Variants in CALB1 observed in about 807,000 individuals in gnomAD.
CALB1 encodes the protein calbindin 1.
A neutral mutation model predicts 46.7 loss-of-function variants in CALB1; 16 were observed. The observed-to-expected ratio is 0.34, with a 90% confidence interval of 0.23 to 0.52. CALB1 has a LOEUF of 0.52. Ranked by LOEUF, CALB1 falls within the 20% of genes least tolerant of loss-of-function variation. CALB1 has a pLI of 0.95. For missense variants in CALB1, 224 were observed against 300.3 expected (o/e 0.75, Z 1.88); for synonymous variants, 90 against 112.8 (o/e 0.80, Z 1.28).
intron 10 of CALB1, 73 bp downstream of exon 10, chr8:90,060,556 T>A: frequency 1.7e-6 from 2 of 1,143,646 alleles, no homozygotes; most frequent in South Asian, 2.6e-5. Context: ...ATTTCCAAAA[T>A]GGATGTGCTG....
At chr8:90,071,493 A>G (rs1344221574) in intron 3 of CALB1, among the ~76,000 whole-genome samples, 1 of 152,130 alleles carries the variant, frequency 6.6e-6, no homozygotes, top group East Asian at 1.9e-4. Flanking sequence ...ACACCCCTCC[A>G]GTCTTGTTGA....
chr8:90,077,740 G>A (rs1489527037), intron 3 of CALB1, among the ~76,000 whole-genome samples: 1 of 152,056 alleles, frequency 6.6e-6, no homozygotes, highest in African/African-American at 2.4e-5. Flanking sequence ...AAAAGTCACT[G>A]TGAAAGGATA....
chr8:90,063,672 A>C, intron 6 of CALB1: 1 of 500,832 alleles, frequency 2.0e-6, no homozygotes. Flanking sequence ...TAGAATAGTC[A>C]AACAGAGAAA....
At chr8:90,081,389 T>C (rs1161839092) in intron 2 of CALB1, 1 of 547,864 alleles carries the variant, frequency 1.8e-6, no homozygotes, top group Admixed American at 6.4e-5. Flanking sequence ...TCTTTCTCAC[T>C]GTTAGGTTGC....
At chr8:90,068,919 T>G (rs1586180256) in intron 5 of CALB1, 79 bp downstream of exon 5, 2 of 1,038,456 alleles carry the variant, frequency 1.9e-6, no homozygotes, top group Non-Finnish European at 1.4e-6. Context: ...TTGTGGGAGG[T>G]TTTTTAAAAA....
At chr8:90,065,764 T>C (rs1186628865) in intron 6 of CALB1, 134 bp downstream of exon 6, 2 of 611,518 alleles carry the variant, frequency 3.3e-6, no homozygotes, top group Non-Finnish European at 5.9e-6. Flanking sequence ...ACTTTTCAAA[T>C]GAAATGATAC....
rs116297375 is a variant in CALB1 at position 90,060,833 on chromosome 8, G to T, written c.601-133C>A. 1,045 of 753,112 alleles carry T rather than the reference G, an allele frequency of 1.4e-3. 11 individuals are homozygous for T. The African/African-American group carries it at 0.016, about 12-fold the overall frequency. The allele number at this position is 753,112 out of a possible 1,614,324, so 46.7% of individuals were successfully genotyped here. A position where few individuals can be genotyped will look rare whatever the true frequency, so the allele number is the denominator to read the frequency against. On this transcript the variant is annotated intron_variant, in intron 9 of 10. Transcript: ENST00000265431. Reference sequence around the variant, plus strand: ...CTTGGCAGATAATCTGTTATGTCAGGCCACCCAAGTTTTTAGCTGCTCCAA... The same window carrying T: ...CTTGGCAGATAATCTGTTATGTCAGTCCACCCAAGTTTTTAGCTGCTCCAA...
chr8:90,060,872 G>T, intron 9 of CALB1, 172 bp from the exon 10 acceptor site: 1 of 620,400 alleles, frequency 1.6e-6, no homozygotes, highest in Non-Finnish European at 2.9e-6. Flanking sequence ...TGTAAAATAT[G>T]CAAGGTATTA....
Position 90,058,890 on chromosome 8 carries a change from C to G in CALB1, c.*1283G>C, listed in dbSNP as rs1814245919. ...ACTCCTAGGCAGTAACTGTAAATTTCACATGGACACATCTCTCATAGCTCC... is the reference window on the plus strand; with the variant it reads ...ACTCCTAGGCAGTAACTGTAAATTTGACATGGACACATCTCTCATAGCTCC... On this transcript the variant is annotated 3_prime_UTR_variant, in exon 11 of 11. Coordinates refer to ENST00000265431, the MANE Select transcript of CALB1 (RefSeq NM_004929.4). 6.6e-6 allele frequency: 1 copy of G among 152,180 alleles called. No individual in the cohort carries two copies. The highest frequency in any genetic ancestry group is 2.4e-5 in the African/African-American group (1 of 41,452). 9.4% of individuals were successfully genotyped at this position (152,180 alleles called of 1,614,324 possible). A position where few individuals can be genotyped will look rare whatever the true frequency, so the allele number is the denominator to read the frequency against.
Position 90,082,814 on chromosome 8 carries a change from C to T in CALB1, c.-117G>A. On this transcript the variant is annotated 5_prime_UTR_variant, in exon 1 of 11. Transcript: ENST00000265431. Reference sequence around the variant, plus strand: ...TCAGGGCTGCGGAGGGAGACCTGGGCGCGGGCGCTGCCGGGCGCTGTCCTC... The same window carrying T: ...TCAGGGCTGCGGAGGGAGACCTGGGTGCGGGCGCTGCCGGGCGCTGTCCTC... 1.0e-6 allele frequency: 1 copy of T among 986,198 alleles called. No homozygotes were observed. Among genetic ancestry groups the T allele is most frequent in the Non-Finnish European group, 1.6e-6 (1 of 617,374 alleles). The allele number at this position is 986,198 out of a possible 1,614,324, so 61.1% of individuals were successfully genotyped here.
At chr8:90,081,584 A>T in intron 2 of CALB1, 1 of 412,186 alleles carries the variant, frequency 2.4e-6, no homozygotes, top group Non-Finnish European at 3.3e-6. Flanking sequence ...AAGAGAATTT[A>T]AAAATTACCT....
chr8:90,077,048 C>T (rs955932356), intron 3 of CALB1, among the ~76,000 whole-genome samples: 1 of 151,870 alleles, frequency 6.6e-6, no homozygotes, highest in Non-Finnish European at 1.5e-5. Flanking sequence ...AGAGCCAATC[C>T]GTAATTTCAC....
intron 10 of CALB1, among the ~76,000 whole-genome samples, 166 bp downstream of exon 10, chr8:90,060,463 C>T (rs1240701977): frequency 1.3e-5 from 2 of 152,202 alleles, no homozygotes; most frequent in Admixed American, 6.5e-5. Context: ...ATCTATTTAT[C>T]ACAGTTACCC....
Position 90,065,994 on chromosome 8 carries a change from CTTAGA to C in CALB1, c.373-24_373-20del. The C allele has an allele frequency of 6.7e-7, 1 of 1,494,926 alleles. No homozygotes were observed. Among genetic ancestry groups the C allele is most frequent in the Non-Finnish European group, 9.3e-7 (1 of 1,073,120 alleles). The allele number at this position is 1,494,926 out of a possible 1,614,324, so 92.6% of individuals were successfully genotyped here. Reference sequence around the variant, plus strand: ...GAAAGTTCTGTTAAAACAAAGAACACTTAGATTAATTTCATTAATAATATATCGTC... The same window carrying C: ...GAAAGTTCTGTTAAAACAAAGAACACTTAATTTCATTAATAATATATCGTC... On this transcript the variant is annotated intron_variant, in intron 5 of 10. Transcript: ENST00000265431.
intron 3 of CALB1, among the ~76,000 whole-genome samples, chr8:90,074,501 CA>C (rs1814586828): frequency 6.6e-6 from 1 of 152,030 alleles, no homozygotes; most frequent in Non-Finnish European, 1.5e-5. Flanking sequence ...AATCCTCAAT[CA>C]AAAAAGTATC....
chr8:90,062,994 C>G (rs1281457652), intron 9 of CALB1, 106 bp downstream of exon 9: 1 of 704,800 alleles, frequency 1.4e-6, no homozygotes, highest in East Asian at 2.7e-5. Flanking sequence ...TCAAGATTGT[C>G]TCTATAGTTT....
intron 3 of CALB1, among the ~76,000 whole-genome samples, chr8:90,076,148 T>C (rs1040113215): frequency 3.9e-5 from 6 of 152,070 alleles, no homozygotes; most frequent in Non-Finnish European, 2.9e-5. Context: ...TGATCAAAAG[T>C]TCTGCTGAAA....
chr8:90,067,210 G>A lies in CALB1; in HGVS notation c.373-1235C>T, dbSNP rs547530201. 6.6e-5 allele frequency among the ~76,000 whole-genome samples: 10 copies of A among 152,188 alleles called. No individual in the cohort carries two copies. The South Asian group carries it at 1.2e-3, about 19-fold the overall frequency. On this transcript the variant is annotated intron_variant, in intron 5 of 10. Coordinates refer to ENST00000265431, the MANE Select transcript of CALB1 (RefSeq NM_004929.4). ...CCTTGGGACGCAGAGATTCAAAGTCGTGTCTGAGAGCAAGTGATGTTTTAC... is the reference window on the plus strand; with the variant it reads ...CCTTGGGACGCAGAGATTCAAAGTCATGTCTGAGAGCAAGTGATGTTTTAC...
chr8:90,076,701 G>A (rs1283716130), intron 3 of CALB1, among the ~76,000 whole-genome samples: 1 of 151,638 alleles, frequency 6.6e-6, no homozygotes, highest in African/African-American at 2.4e-5. Context: ...TAAAACTTCT[G>A]AGGAAATTTC....
Sources: gnomAD v4.1 joint callset for allele counts (sites outside exome capture counted in the v4.1 genomes callset) on GRCh38, gnomAD v4.1.1 for gene constraint, MANE v1.5 for transcripts, NCBI Gene and HGNC (gene_info 2026-07-23, HGNC 2026-07-21) for gene names.